EEFSEC: variants seen among roughly 807,000 people sequenced by gnomAD.
EEFSEC encodes selenocysteine-specific elongation factor.
Under a neutral mutation model 42.1 loss-of-function variants are expected in EEFSEC, and 43 were observed. That is an observed-to-expected ratio of 1.02 (90% CI 0.80 to 1.32). The LOEUF is 1.32. Ranked by LOEUF, EEFSEC falls within the 40% of genes most tolerant of loss-of-function variation. The probability of loss-of-function intolerance (pLI) is 0.00; values close to 1 mark genes in which losing one functional copy is unlikely to be tolerated. For synonymous variants in EEFSEC, 354 were observed against 339.1 expected, an observed-to-expected ratio of 1.04 and a Z score of -0.48; for missense variants, 745 against 803.6, an observed-to-expected ratio of 0.93 and a Z score of 0.88.
At chr3:128,234,575 CT>C in intron 1 of EEFSEC, among the ~76,000 whole-genome samples, 1 of 152,334 alleles carries the variant, frequency 6.6e-6, no homozygotes, top group East Asian at 1.9e-4. Context: ...GATTCCTCCA[CT>C]GGTCTTGCAG....
intron 2 of EEFSEC, among the ~76,000 whole-genome samples, chr3:128,257,859 C>T (rs1248891751): frequency 6.6e-6 from 1 of 152,132 alleles, no homozygotes; most frequent in African/African-American, 2.4e-5. Context: ...GGAGGTTTGG[C>T]ATGCTAGGAG....
chr3:128,286,179 C>T (rs1040919992), intron 4 of EEFSEC, among the ~76,000 whole-genome samples: 2 of 152,202 alleles, frequency 1.3e-5, no homozygotes, highest in African/African-American at 4.8e-5. Context: ...GTATGGGGTC[C>T]TATTACATGA....
the EEFSEC span, among the ~76,000 whole-genome samples, chr3:128,425,909 G>T: frequency 6.6e-6 from 1 of 152,218 alleles, no homozygotes; most frequent in Non-Finnish European, 1.5e-5. Flanking sequence ...CAAGATCCGG[G>T]GGAAGGGTTT....
intron 6 of EEFSEC, among the ~76,000 whole-genome samples, chr3:128,397,975 C>T (rs2068001603): frequency 6.6e-6 from 1 of 152,238 alleles, no homozygotes; most frequent in Non-Finnish European, 1.5e-5. Context: ...CAGACCTGCT[C>T]ACCCCCCAGC....
Position 128,309,689 on chromosome 3 carries a change from A to G in EEFSEC, c.787-31544A>G, listed in dbSNP as rs72975392. Among the ~76,000 whole-genome samples, 618 of 152,370 alleles carry G rather than the reference A, an allele frequency of 4.1e-3. 6 individuals carry two copies. The highest frequency in any genetic ancestry group is 0.02 in the Middle Eastern group (6 of 294). On this transcript the variant is annotated intron_variant, in intron 4 of 6. Coordinates refer to ENST00000254730, the MANE Select transcript of EEFSEC (RefSeq NM_021937.5). ...AAGGCTAATGCCTAGGGAGTGAGGC[A>G]TAAGTCAGAATCACTTGGGAGTTTT...
chr3:128,245,334 T>G (rs1393321686), intron 1 of EEFSEC, among the ~76,000 whole-genome samples: 2 of 152,218 alleles, frequency 1.3e-5, no homozygotes, highest in African/African-American at 4.8e-5. Context: ...TTTTTAATAG[T>G]CTGTTCTGTT....
At chr3:128,199,437 T>G (rs1447310228) in intron 1 of EEFSEC, among the ~76,000 whole-genome samples, 1 of 152,314 alleles carries the variant, frequency 6.6e-6, no homozygotes, top group East Asian at 1.9e-4. Flanking sequence ...CTATTTTGCA[T>G]TTTGTTTTCC....
At chr3:128,209,020 A>G (rs1013637718) in intron 1 of EEFSEC, among the ~76,000 whole-genome samples, 1 of 152,206 alleles carries the variant, frequency 6.6e-6, no homozygotes, top group Admixed American at 6.5e-5. Context: ...TTGAAGGATA[A>G]GTTCAGAGTA....
At chr3:128,345,407 T>C (rs2067301385) in intron 5 of EEFSEC, among the ~76,000 whole-genome samples, 1 of 152,166 alleles carries the variant, frequency 6.6e-6, no homozygotes, top group Non-Finnish European at 1.5e-5. Flanking sequence ...GCTGAGAGTC[T>C]GGTAGGCTCA....
chr3:128,201,714 G>C (rs1469450642), intron 1 of EEFSEC, among the ~76,000 whole-genome samples: 1 of 152,146 alleles, frequency 6.6e-6, no homozygotes, highest in Non-Finnish European at 1.5e-5. Context: ...TTTTGATGAA[G>C]TCTAATTTAT....
At chr3:128,281,175 T>C (rs972553497) in intron 4 of EEFSEC, among the ~76,000 whole-genome samples, 2 of 152,178 alleles carry the variant, frequency 1.3e-5, no homozygotes, top group African/African-American at 4.8e-5. Context: ...CCAGAGAAGT[T>C]AAGTCACATA....
At chr3:128,308,394 C>T (rs2811397) in intron 4 of EEFSEC, among the ~76,000 whole-genome samples, 126,096 of 152,134 alleles carry the variant, frequency 0.83, 52,953 homozygotes, top group East Asian at 0.99. Context: ...TCCTTGAGTA[C>T]CTACTGTGTG....
intron 1 of EEFSEC, among the ~76,000 whole-genome samples, chr3:128,239,754 G>A (rs1225412802): frequency 1.3e-5 from 2 of 152,220 alleles, no homozygotes; most frequent in Admixed American, 1.3e-4. Flanking sequence ...TTTTACAGAT[G>A]TGGAGATGGA....
intron 6 of EEFSEC, among the ~76,000 whole-genome samples, chr3:128,384,575 T>C (rs1354282045): frequency 6.6e-6 from 1 of 152,162 alleles, no homozygotes. Context: ...CATGCACGCA[T>C]GCACAAGCAC....
chr3:128,225,477 G>C (rs1418991741), intron 1 of EEFSEC, among the ~76,000 whole-genome samples: 1 of 152,222 alleles, frequency 6.6e-6, no homozygotes, highest in Non-Finnish European at 1.5e-5. Flanking sequence ...TTGAGCCTGT[G>C]ACTTGACCTC....
intron 1 of EEFSEC, among the ~76,000 whole-genome samples, chr3:128,239,516 T>A (rs1401537484): frequency 7.2e-5 from 11 of 152,158 alleles, no homozygotes; most frequent in Non-Finnish European, 1.5e-5. Context: ...CAGAGCGAGA[T>A]GCTTACCCTC....
chr3:128,185,477 T>C (rs1329545018), intron 1 of EEFSEC, among the ~76,000 whole-genome samples: 1 of 152,134 alleles, frequency 6.6e-6, no homozygotes, highest in African/African-American at 2.4e-5. Flanking sequence ...TTCACTCTTA[T>C]CACCCAGGCT....
intron 1 of EEFSEC, among the ~76,000 whole-genome samples, chr3:128,176,141 C>T (rs989428325): frequency 6.6e-6 from 1 of 151,576 alleles, no homozygotes; most frequent in Admixed American, 6.6e-5. Context: ...AATCTTTATA[C>T]GACTTCATAT....
intron 1 of EEFSEC, among the ~76,000 whole-genome samples, chr3:128,193,999 C>CT (rs2065554623): frequency 1.2e-5 from 1 of 82,666 alleles, no homozygotes; most frequent in Non-Finnish European, 2.1e-5. Flanking sequence ...AGACCATCTT[C>CT]CCCCATCCCC....
Sources: gnomAD v4.1 joint callset for allele counts (sites outside exome capture counted in the v4.1 genomes callset) on GRCh38, gnomAD v4.1.1 for gene constraint, MANE v1.5 for transcripts, NCBI Gene and HGNC (gene_info 2026-07-23, HGNC 2026-07-21) for gene names.